The following RPTOR variants were observed in gnomAD, a reference collection of about 807,000 sequenced individuals.
RPTOR encodes the protein regulatory associated protein of MTOR complex 1, also known as regulatory-associated protein of mTOR.
In RPTOR, 21 loss-of-function variants were observed where a neutral mutation model predicts 169.9. The ratio of observed to expected loss-of-function variants is 0.12; its 90% CI spans 0.09 to 0.18. RPTOR has a LOEUF of 0.18. Among genes scored for constraint, RPTOR ranks in the 10% least tolerant of loss-of-function variants. The probability of loss-of-function intolerance (pLI) is 1.00; values close to 1 mark genes in which losing one functional copy is unlikely to be tolerated. For missense variants in RPTOR, 1,133 were observed against 1,855.9 expected, an observed-to-expected ratio of 0.61 and a Z score of 7.16; for synonymous variants, 732 against 753.2, an observed-to-expected ratio of 0.97 and a Z score of 0.46.
At chr17:80,785,530 G>A (rs982877516) in intron 6 of RPTOR, among the ~76,000 whole-genome samples, 1 of 152,190 alleles carries the variant, frequency 6.6e-6, no homozygotes, top group Non-Finnish European at 1.5e-5. Flanking sequence ...GTTCCCGACT[G>A]GTGAGTGGGT....
At chr17:80,862,766 T>C (rs1241008713) in intron 13 of RPTOR, among the ~76,000 whole-genome samples, 1 of 152,172 alleles carries the variant, frequency 6.6e-6, no homozygotes. Context: ...GCCGTCCCTG[T>C]GACTCCTGGG....
intron 13 of RPTOR, among the ~76,000 whole-genome samples, chr17:80,870,044 G>T (rs1214148229): frequency 6.6e-6 from 1 of 152,236 alleles, no homozygotes; most frequent in African/African-American, 2.4e-5. Context: ...TAATTAGCAA[G>T]ATTAAGGAGG....
intron 11 of RPTOR, 131 bp downstream of exon 11, chr17:80,846,705 G>A (rs542679935): frequency 2.5e-5 from 18 of 712,412 alleles, no homozygotes; most frequent in South Asian, 1.0e-4. Context: ...CCTCTGCCCC[G>A]AAGATGATGG....
intron 9 of RPTOR, among the ~76,000 whole-genome samples, chr17:80,829,286 T>C (rs935565858): frequency 6.6e-6 from 1 of 152,088 alleles, no homozygotes; most frequent in African/African-American, 2.4e-5. Flanking sequence ...GCGTGGGGGC[T>C]TTCAGACAGC....
intron 9 of RPTOR, among the ~76,000 whole-genome samples, chr17:80,833,314 G>C (rs532233258): frequency 1.3e-5 from 2 of 152,148 alleles, no homozygotes; most frequent in African/African-American, 4.8e-5. Flanking sequence ...CCAGCTGCTG[G>C]GGGGGAGGAG....
intron 20 of RPTOR, among the ~76,000 whole-genome samples, chr17:80,900,567 C>T (rs542774410): frequency 6.6e-6 from 1 of 152,346 alleles, no homozygotes; most frequent in East Asian, 1.9e-4. Flanking sequence ...CTGCGCGCCT[C>T]AGCCTCCCAA....
rs139325946 is a variant in RPTOR, at chr17:80,837,289, G to A, written c.1137-633G>A. ...CCCCAGACTGCAGGGTGCCTGGTGA[G>A]ACCCACAGGGAGGCAGCAGGAACTG... On this transcript the variant is annotated intron_variant, in intron 9 of 33. Transcript: ENST00000306801. Among the ~76,000 whole-genome samples the A allele has an allele frequency of 9.9e-5, 15 of 152,216 alleles. No homozygotes were observed. The East Asian group carries it at 2.9e-3, about 29-fold the overall frequency.
chr17:80,779,690 A>G (rs2066922218), intron 6 of RPTOR, among the ~76,000 whole-genome samples: 2 of 152,156 alleles, frequency 1.3e-5, no homozygotes, highest in South Asian at 2.1e-4. Context: ...TCGCAACCAT[A>G]GACCAGGAAC....
At position 80,708,621 on chromosome 17, in the gene RPTOR, CTG is replaced by C. The variant is rs1567868375; in HGVS notation, c.507+624_507+625del. 7.6e-6 allele frequency among the ~76,000 whole-genome samples: 1 copy of C among 132,440 alleles called. No individual in the cohort carries two copies. The highest frequency in any genetic ancestry group is 3.4e-5 in the African/African-American group (1 of 29,312). The allele number at this position is 132,440 out of a possible 152,430, so 86.9% of individuals were successfully genotyped here. ...CCCTCCAGGGTGTGGTGGGTGCTGA[CTG>C]TCTCCTCATCCTCCAGGGTGTGGTG... On this transcript the variant is annotated intron_variant, in intron 4 of 33. Coordinates refer to ENST00000306801, the MANE Select transcript of RPTOR (RefSeq NM_020761.3). The surrounding 1 kb of genome is among the most constrained non-coding windows in gnomAD (Gnocchi z 4.2).
At chr17:80,769,957 G>A (rs1189898034) in intron 6 of RPTOR, among the ~76,000 whole-genome samples, 1 of 152,134 alleles carries the variant, frequency 6.6e-6, no homozygotes, top group East Asian at 1.9e-4. Context: ...CAGTCACACG[G>A]GGGTCTCCAC....
chr17:80,933,250 A>G (rs953832056), intron 24 of RPTOR, among the ~76,000 whole-genome samples: 22 of 152,242 alleles, frequency 1.4e-4, no homozygotes, highest in African/African-American at 5.3e-4. Context: ...CCATTTTAAT[A>G]GAGTATCAGA....
At chr17:80,727,596 C>T (rs1453066624) in intron 4 of RPTOR, among the ~76,000 whole-genome samples, 4 of 152,192 alleles carry the variant, frequency 2.6e-5, no homozygotes, top group African/African-American at 4.8e-5. Context: ...AGAACGTGGA[C>T]GCTGCACCTC....
intron 1 of RPTOR, among the ~76,000 whole-genome samples, chr17:80,564,956 A>G (rs1426441120): frequency 1.3e-5 from 2 of 152,150 alleles, no homozygotes; most frequent in Admixed American, 6.5e-5. Context: ...CATAGCCTAT[A>G]TGCACCACCT....
At position 80,957,748 on chromosome 17, in the gene RPTOR, C is replaced by G. The variant is rs1035069267; in HGVS notation, c.3477+18C>G. On this transcript the variant is annotated intron_variant, in intron 29 of 33. Transcript: ENST00000306801. The surrounding 1 kb of genome is among the most constrained non-coding windows in gnomAD (Gnocchi z 4.6). ...AGGTGCAGGTAACCATGCAGGTGTCCCCCAAGCCCTGGGCCTGTGGGGCAG... is the reference window on the plus strand; with the variant it reads ...AGGTGCAGGTAACCATGCAGGTGTCGCCCAAGCCCTGGGCCTGTGGGGCAG... 9 of 1,609,252 alleles carry G rather than the reference C, an allele frequency of 5.6e-6. No individual in the cohort carries two copies. Among genetic ancestry groups the G allele is most frequent in the Non-Finnish European group, 7.7e-6 (9 of 1,176,062 alleles).
rs200486266 is a variant in RPTOR, at chr17:80,950,544, C to CA, written c.3370+1005dup. Among the ~76,000 whole-genome samples the CA allele has an allele frequency of 8.3e-3, 1,257 of 151,774 alleles. 21 individuals are homozygous for CA. Among genetic ancestry groups the CA allele is most frequent in the African/African-American group, 0.029 (1,192 of 41,378 alleles). On this transcript the variant is annotated intron_variant, in intron 28 of 33. Transcript: ENST00000306801. ...AGCCATGTTCTTAAGTTTCATCCAG[C>CA]AAAAAAAATCATCCACACCCCGCAC...
intron 13 of RPTOR, chr17:80,858,152 G>A (rs145371526): frequency 4.7e-5 from 24 of 514,022 alleles, no homozygotes; most frequent in East Asian, 4.0e-4. Context: ...CCCCCACACC[G>A]TCCTGTCCCT....
intron 6 of RPTOR, among the ~76,000 whole-genome samples, chr17:80,788,098 T>C (rs779902153): frequency 9.9e-5 from 15 of 152,188 alleles, no homozygotes; most frequent in Non-Finnish European, 1.8e-4. Flanking sequence ...CCTCTGAGAG[T>C]ATTTTTGTCA....
In RPTOR at chr17:80,682,954, C is replaced by G. The variant is rs2065909586; in HGVS notation, c.349-24887C>G. On this transcript the variant is annotated intron_variant, in intron 3 of 33. Coordinates refer to ENST00000306801, the MANE Select transcript of RPTOR (RefSeq NM_020761.3). ...TAGCTGGGACCACAGGCACGTACCA[C>G]TACACCCAGCTAATTTATTTATTTT... Among the ~76,000 whole-genome samples the G allele has an allele frequency of 2.0e-5, 3 of 152,000 alleles. No individual in the cohort carries two copies. The South Asian group carries it at 6.2e-4, about 31-fold the overall frequency.
At chr17:80,641,311 C>T (rs541239759) in intron 2 of RPTOR, among the ~76,000 whole-genome samples, 1 of 152,334 alleles carries the variant, frequency 6.6e-6, no homozygotes, top group Non-Finnish European at 1.5e-5. Flanking sequence ...CTTTTCTCAG[C>T]CAGAGGTGTC....
Sources: allele counts gnomAD v4.1 joint callset (sites outside exome capture counted in the v4.1 genomes callset), GRCh38; gene constraint gnomAD v4.1.1; non-coding constraint Gnocchi (gnomAD v3.1); transcripts MANE v1.5; gene names NCBI Gene and HGNC (gene_info 2026-07-23, HGNC 2026-07-21).